KCNJ5: variants seen among roughly 807,000 people sequenced by gnomAD.
KCNJ5 encodes the protein potassium inwardly rectifying channel subfamily J member 5, also known as G protein-activated inward rectifier potassium channel 4.
Under a neutral mutation model 20.2 loss-of-function variants are expected in KCNJ5, and 12 were observed. The ratio of observed to expected loss-of-function variants is 0.59; its 90% CI spans 0.38 to 0.96. The LOEUF is 0.96. Among genes scored for constraint, KCNJ5 ranks in the 40% least tolerant of loss-of-function variants. The probability of loss-of-function intolerance (pLI) is 0.00; values close to 1 mark genes in which losing one functional copy is unlikely to be tolerated. For missense variants in KCNJ5, 449 were observed against 557.6 expected (o/e 0.81, Z 1.96); for synonymous variants, 210 against 213.9 (o/e 0.98, Z 0.16).
intron 1 of KCNJ5, among the ~76,000 whole-genome samples, chr11:128,903,184 G>A (rs191099440): frequency 2.6e-5 from 4 of 152,176 alleles, no homozygotes; most frequent in African/African-American, 7.2e-5. Flanking sequence ...GTTTGTATAT[G>A]TGCTTTTCCT....
intron 2 of KCNJ5, among the ~76,000 whole-genome samples, chr11:128,912,698 A>T (rs1282648827): frequency 1.3e-5 from 2 of 152,084 alleles, no homozygotes; most frequent in East Asian, 3.9e-4. Flanking sequence ...TTTAGTAGAG[A>T]CAGGGTTTCA....
At chr11:128,895,259 T>C (rs1047993336) in intron 1 of KCNJ5, among the ~76,000 whole-genome samples, 1 of 152,138 alleles carries the variant, frequency 6.6e-6, no homozygotes, top group Non-Finnish European at 1.5e-5. Context: ...TCCAATGCCA[T>C]CATCCTACAT....
rs1944631669 is a variant in KCNJ5 at position 128,919,077 on chromosome 11, C to T, written c.*2346C>T. The T allele has an allele frequency of 6.6e-6, 1 of 152,452 alleles. No individual in the cohort carries two copies. The highest frequency in any genetic ancestry group is 2.4e-5 in the African/African-American group (1 of 41,472). 9.4% of individuals were successfully genotyped at this position (152,452 alleles called of 1,614,324 possible). On this transcript the variant is annotated 3_prime_UTR_variant, in exon 3 of 3. Transcript: ENST00000529694. ...ACTCCCTGGACCCCAGGGTTACTAACAGCAAAACCATTCCACACCCCCTTG... is the reference window on the plus strand; with the variant it reads ...ACTCCCTGGACCCCAGGGTTACTAATAGCAAAACCATTCCACACCCCCTTG...
chr11:128,893,989 G>A (rs1402992439), intron 1 of KCNJ5, among the ~76,000 whole-genome samples: 1 of 152,200 alleles, frequency 6.6e-6, no homozygotes, highest in African/African-American at 2.4e-5. Context: ...CCAGGAATTT[G>A]GGAGACTCTG....
chr11:128,904,664 G>A, intron 1 of KCNJ5: 1 of 656,676 alleles, frequency 1.5e-6, no homozygotes, highest in South Asian at 1.7e-5. Flanking sequence ...GGAAAGCACA[G>A]GAACGAATGC....
chr11:128,910,479 GCTGC>G (rs1944479930), intron 1 of KCNJ5, among the ~76,000 whole-genome samples: 1 of 152,154 alleles, frequency 6.6e-6, no homozygotes, highest in Non-Finnish European at 1.5e-5. Flanking sequence ...TCAGATACAT[GCTGC>G]CTTTTCCTTT....
In KCNJ5 at chr11:128,912,084, G is replaced by A. The variant is rs1231673589; in HGVS notation, c.811G>A (p.Val271Met). ...CACGGGCGACGACCGCCTCTTCCTT[G>A]TGTCTCCTCTGATCATCTCCCATGA... The part of the protein sequence containing the change: ...FDTGDDRLFL[V>M]SPLIISHEIN... Residue 271 changes from valine to methionine, a missense_variant, in exon 2 of 3, where the codon GTG becomes ATG. Val to Met is a conservative substitution (Grantham distance 21). Transcript: ENST00000529694. The A allele has an allele frequency of 2.5e-6, 4 of 1,613,728 alleles. No individual in the cohort carries two copies. In the Admixed American group the frequency reaches 5.0e-5, roughly 20 times the overall value.
intron 1 of KCNJ5, among the ~76,000 whole-genome samples, chr11:128,893,755 A>G (rs57849534): frequency 0.1 from 15,853 of 152,202 alleles, 1,256 homozygotes; most frequent in African/African-American, 0.22. Flanking sequence ...GCTGTCCCCA[A>G]AGCTTAGCTG....
intron 1 of KCNJ5, among the ~76,000 whole-genome samples, chr11:128,905,248 C>T (rs1000850558): frequency 1.3e-5 from 2 of 152,214 alleles, no homozygotes; most frequent in African/African-American, 4.8e-5. Context: ...CTCCGCAGGC[C>T]CCTCCTGGCT....
chr11:128,902,660 C>T (rs894752494), intron 1 of KCNJ5: 34 of 1,613,836 alleles, frequency 2.1e-5, no homozygotes, highest in Admixed American at 6.7e-5. Context: ...CTCTTCCTGC[C>T]GGGCCGCCTG....
At chr11:128,902,573 G>A in intron 1 of KCNJ5, 1 of 1,608,680 alleles carries the variant, frequency 6.2e-7, no homozygotes, top group Non-Finnish European at 8.5e-7. Flanking sequence ...AGGACCACCG[G>A]AACCAGGCTG....
At chr11:128,900,247 C>T (rs1181899158) in intron 1 of KCNJ5, 1 of 152,216 alleles carries the variant, frequency 6.6e-6, no homozygotes, top group Non-Finnish European at 1.5e-5. Context: ...TCTGCCTGCG[C>T]TCCTTTCAGA....
intron 1 of KCNJ5, among the ~76,000 whole-genome samples, chr11:128,893,871 G>A (rs1181154553): frequency 6.6e-6 from 1 of 152,334 alleles, no homozygotes; most frequent in East Asian, 1.9e-4. Context: ...TGTGGGTCCA[G>A]CAGAGACACG....
At chr11:128,893,857 T>C (rs1048464198) in intron 1 of KCNJ5, among the ~76,000 whole-genome samples, 1 of 152,258 alleles carries the variant, frequency 6.6e-6, no homozygotes, top group Non-Finnish European at 1.5e-5. Context: ...CAGAGCTCTT[T>C]GTCTGTGGGT....
chr11:128,907,684 C>G (rs1944441999), intron 1 of KCNJ5, among the ~76,000 whole-genome samples: 2 of 152,184 alleles, frequency 1.3e-5, no homozygotes, highest in Non-Finnish European at 2.9e-5. Context: ...CAAGTCAGTG[C>G]CTTTCCCTGC....
At chr11:128,903,988 G>A (rs1179654603) in intron 1 of KCNJ5, among the ~76,000 whole-genome samples, 1 of 152,160 alleles carries the variant, frequency 6.6e-6, no homozygotes, top group Non-Finnish European at 1.5e-5. Flanking sequence ...AGAGCCTTTG[G>A]AATCAGACAA....
chr11:128,916,049 GC>G (rs1297175297), intron 2 of KCNJ5, among the ~76,000 whole-genome samples: 1,909 of 130,576 alleles, frequency 0.015, 109 homozygotes, highest in South Asian at 0.13. Context: ...TGGATGGATG[GC>G]TATATCTTTG....
At position 128,911,192 on chromosome 11, in the gene KCNJ5, G is replaced by A. The variant is rs1944491298; in HGVS notation, c.-10-72G>A. The A allele has an allele frequency of 2.4e-6, 3 of 1,246,808 alleles. No individual in the cohort carries two copies. The highest frequency in any genetic ancestry group is 3.5e-6 in the Non-Finnish European group (3 of 854,940). 77.2% of individuals were successfully genotyped at this position (1,246,808 alleles called of 1,614,324 possible). On this transcript the variant is annotated intron_variant, in intron 1 of 2. Transcript: ENST00000529694. This position sits in a 1 kb window ranked among gnomAD's most constrained non-coding sequence, Gnocchi z 6.3. Reference sequence around the variant, plus strand: ...AAGCCTGGGAGAGCCCCGGGGTGGGGGTGGCCTTCCATCTTGTGTTCTAGT... The same window carrying A: ...AAGCCTGGGAGAGCCCCGGGGTGGGAGTGGCCTTCCATCTTGTGTTCTAGT...
intron 2 of KCNJ5, among the ~76,000 whole-genome samples, chr11:128,913,359 C>A (rs2136000699): frequency 6.6e-6 from 1 of 152,316 alleles, no homozygotes; most frequent in South Asian, 2.1e-4. Flanking sequence ...CAGCATGGCA[C>A]CTCCCTGCTC....
Sources: allele counts gnomAD v4.1 joint callset (sites outside exome capture counted in the v4.1 genomes callset), GRCh38; gene constraint gnomAD v4.1.1; non-coding constraint Gnocchi (gnomAD v3.1); transcripts MANE v1.5; gene names NCBI Gene and HGNC (gene_info 2026-07-23, HGNC 2026-07-21).